Variants in ADPRH observed in about 807,000 individuals in gnomAD.
The protein encoded by ADPRH is ADP-ribosylarginine hydrolase.
ADPRH carries 27 observed loss-of-function variants against 28.8 expected under a neutral mutation model. The ratio of observed to expected loss-of-function variants is 0.94; its 90% CI spans 0.69 to 1.29. The LOEUF is 1.29. Ranked by LOEUF, ADPRH falls within the 50% of genes most tolerant of loss-of-function variation. The probability of loss-of-function intolerance (pLI) is 0.00; values close to 1 mark genes in which losing one functional copy is unlikely to be tolerated. For missense variants in ADPRH, 419 were observed against 444.8 expected, an observed-to-expected ratio of 0.94 and a Z score of 0.52; for synonymous variants, 161 against 166.9, an observed-to-expected ratio of 0.96 and a Z score of 0.27.
Position 119,587,764 on chromosome 3 carries a change from T to C in ADPRH, c.960T>C (p.Phe320=). 1 of 1,614,206 alleles carries C rather than the reference T, an allele frequency of 6.2e-7. No individual in the cohort carries two copies. The highest frequency in any genetic ancestry group is 8.5e-7 in the Non-Finnish European group (1 of 1,180,030). The change falls in exon 5 of 5, where the codon TTT becomes TTC. Residue 320 remains phenylalanine, a synonymous_variant. Transcript: ENST00000357003. ...GCTGGTGGGGAGTTATGTATGGTTT[T>C]AAAGGAGTGAGTCCCTCCAACTATG... ...AGCWWGVMYG[F]KGVSPSNYEK... is the part of the protein sequence containing the mutation.
chr3:119,583,360 A>G (rs10212406), intron 3 of ADPRH, among the ~76,000 whole-genome samples: 421 of 152,348 alleles, frequency 2.8e-3, no homozygotes, highest in Non-Finnish European at 5.2e-3. Context: ...CAAAATAACC[A>G]ATAGAGTAAA....
rs758299057 is a variant in ADPRH at position 119,586,454 on chromosome 3, C to T, written c.468C>T (p.Ile156=). ...SQLDTLIQVS[I]ESGRMTHHHP... ...TGGACACACTGATCCAAGTGAGCAT[C>T]GAGAGTGGTCGGATGACCCACCACC... Residue 156 remains isoleucine, a synonymous_variant, in exon 4 of 5, where the codon ATC becomes ATT. Coordinates refer to ENST00000357003, the MANE Select transcript of ADPRH (RefSeq NM_001125.4). The T allele has an allele frequency of 8.1e-6, 13 of 1,614,100 alleles. No homozygotes were observed. The highest frequency in any genetic ancestry group is 3.3e-5 in the Admixed American group (2 of 60,006).
In ADPRH at chr3:119,586,552, T is replaced by G. The variant is rs2082462550; in HGVS notation, c.566T>G (p.Leu189Trp). 6.2e-7 allele frequency: 1 copy of G among 1,614,144 alleles called. No individual in the cohort carries two copies. Among genetic ancestry groups the G allele is most frequent in the Non-Finnish European group, 8.5e-7 (1 of 1,180,004 alleles). ...TATGCTGTGAATAGCAGACCACCCT[T>G]GCAGTGGGGAAAAGGACTGATGGAG... ...TAYAVNSRPP[L>W]QWGKGLMELL... The change falls in exon 4 of 5, where the codon TTG (leucine) becomes TGG (tryptophan). Residue 189 changes from leucine (L) to tryptophan (W), a missense_variant. Coordinates refer to ENST00000357003, the MANE Select transcript of ADPRH (RefSeq NM_001125.4).
Position 119,587,525 on chromosome 3 carries a change from T to C in ADPRH, c.721T>C (p.Ser241Pro), listed in dbSNP as rs2082473449. ...LKLRGILDGESAPTFPESFGV... is the reference protein window; with the variant it reads ...LKLRGILDGEPAPTFPESFGV... The stretch of plus-strand genomic sequence containing the variant: ...ACTTAGAGGGATTTTGGATGGAGAA[T>C]CAGCCCCTACCTTCCCTGAGTCTTT... The change falls in exon 5 of 5, where the codon TCA becomes CCA. Residue 241 changes from serine (S) to proline (P), a missense_variant. Ser to Pro is a moderately conservative substitution (Grantham distance 74). Transcript: ENST00000357003. The C allele has an allele frequency of 1.3e-6, 2 of 1,599,298 alleles. No individual in the cohort carries two copies. The highest frequency in any genetic ancestry group is 1.7e-6 in the Non-Finnish European group (2 of 1,171,914).
rs540696138 is a variant in ADPRH at position 119,579,802 on chromosome 3, G to C, written c.-172G>C. Reference sequence around the variant, plus strand: ...GCCAAGGCCTCTTCCCCGGCCCCGGGAGCCCGCGCCACGCCCGTCGCTCGC... The same window carrying C: ...GCCAAGGCCTCTTCCCCGGCCCCGGCAGCCCGCGCCACGCCCGTCGCTCGC... On this transcript the variant is annotated 5_prime_UTR_variant, in exon 1 of 5. Transcript: ENST00000357003. 18 of 153,326 alleles carry C rather than the reference G, an allele frequency of 1.2e-4. No individual in the cohort carries two copies. Among genetic ancestry groups the C allele is most frequent in the African/African-American group, 4.1e-4 (17 of 41,616 alleles). 9.5% of individuals were successfully genotyped at this position (153,326 alleles called of 1,614,324 possible). A position where few individuals can be genotyped will look rare whatever the true frequency, so the allele number is the denominator to read the frequency against.
Position 119,582,138 on chromosome 3 carries a change from C to A in ADPRH, c.-32C>A. 6.5e-7 allele frequency: 1 copy of A among 1,543,662 alleles called. No homozygotes were observed. On this transcript the variant is annotated 5_prime_UTR_variant, in exon 3 of 5. Transcript: ENST00000357003. ...TGTCTTAATTTCCCCACAAAGACACCCTCTCCAGAGCCCAGCAATTGTGAG... is the reference window on the plus strand; with the variant it reads ...TGTCTTAATTTCCCCACAAAGACACACTCTCCAGAGCCCAGCAATTGTGAG...
Position 119,587,861 on chromosome 3 carries a change from A to G in ADPRH, c.1057A>G (p.Thr353Ala). The G allele has an allele frequency of 3.1e-6, 5 of 1,599,790 alleles. No individual in the cohort carries two copies. The highest frequency in any genetic ancestry group is 3.4e-6 in the Non-Finnish European group (4 of 1,172,222). The change falls in exon 5 of 5, where the codon ACT becomes GCT. Residue 353 changes from threonine to alanine, a missense_variant. Coordinates refer to ENST00000357003, the MANE Select transcript of ADPRH (RefSeq NM_001125.4). ...ALYSLGSKEDTVISL is the reference protein window; with the variant it reads ...ALYSLGSKEDAVISL ...ATATTCTCTCGGGTCAAAAGAAGAC[A>G]CTGTAATTTCCCTTTAGGGAGACGT... is the stretch of plus-strand genomic sequence containing the variant.
chr3:119,584,369 C>A (rs970448019), intron 3 of ADPRH, among the ~76,000 whole-genome samples: 1 of 151,902 alleles, frequency 6.6e-6, no homozygotes, highest in Admixed American at 6.5e-5. Flanking sequence ...TTGAGACTAG[C>A]CTGACCAACA....
intron 4 of ADPRH, among the ~76,000 whole-genome samples, chr3:119,586,977 C>G (rs76945247): frequency 2.8e-4 from 43 of 152,334 alleles, no homozygotes; most frequent in Non-Finnish European, 5.6e-4. Context: ...TCTTGGTATA[C>G]AAATAATATT....
At chr3:119,580,530 C>T (rs549469754) in intron 1 of ADPRH, 21 bp from the exon 2 acceptor site, 1 of 152,342 alleles carries the variant, frequency 6.6e-6, no homozygotes, top group South Asian at 2.1e-4. Flanking sequence ...CATCCATCTT[C>T]GTCGTTTACT....
At position 119,588,088 on chromosome 3, in the gene ADPRH, GC is replaced by G. The variant is rs1476324931; in HGVS notation, c.*211del. ...TTTTCTTACACTGAAGAGTCCTTTA[GC>G]TCAATTGATAGGGTCAGCGTCTCGC... On this transcript the variant is annotated 3_prime_UTR_variant, in exon 5 of 5. Coordinates refer to ENST00000357003, the MANE Select transcript of ADPRH (RefSeq NM_001125.4). The G allele has an allele frequency of 6.8e-6, 3 of 441,684 alleles. No homozygotes were observed. The highest frequency in any genetic ancestry group is 1.2e-5 in the Non-Finnish European group (3 of 258,406). 27.4% of individuals were successfully genotyped at this position (441,684 alleles called of 1,614,324 possible). A position where few individuals can be genotyped will look rare whatever the true frequency, so the allele number is the denominator to read the frequency against.
In ADPRH at chr3:119,588,013, C is replaced by T; in HGVS notation, c.*135C>T. ...TTTGAGATAACAAGTCCCTTGGGCA[C>T]CTTAAGCTCAGTTTTTTCAGGCTCA... On this transcript the variant is annotated 3_prime_UTR_variant, in exon 5 of 5. Transcript: ENST00000357003. 1 of 946,916 alleles carries T rather than the reference C, an allele frequency of 1.1e-6. No homozygotes were observed. Among genetic ancestry groups the T allele is most frequent in the African/African-American group, 1.7e-5 (1 of 60,194 alleles). 58.7% of individuals were successfully genotyped at this position (946,916 alleles called of 1,614,324 possible).
intron 3 of ADPRH, among the ~76,000 whole-genome samples, chr3:119,584,870 G>T (rs966277068): frequency 1.3e-5 from 2 of 152,124 alleles, no homozygotes; most frequent in East Asian, 3.8e-4. Flanking sequence ...CTGCCTCCTC[G>T]CTGTGTCCTC....
chr3:119,588,129 A>C lies in ADPRH; in HGVS notation c.*251A>C. 3 of 346,314 alleles carry C rather than the reference A, an allele frequency of 8.7e-6. No individual in the cohort carries two copies. Among genetic ancestry groups the C allele is most frequent in the East Asian group, 4.4e-5 (1 of 22,918 alleles). The allele number at this position is 346,314 out of a possible 1,614,324, so 21.5% of individuals were successfully genotyped here. On this transcript the variant is annotated 3_prime_UTR_variant, in exon 5 of 5. Coordinates refer to ENST00000357003, the MANE Select transcript of ADPRH (RefSeq NM_001125.4). ...CAGCGTCTCGCAAGCAAAAAATCTC[A>C]TGACCTCATATTTGAGTCTTCATTT...
At chr3:119,585,751 G>A (rs367910596) in intron 3 of ADPRH, among the ~76,000 whole-genome samples, 6 of 152,196 alleles carry the variant, frequency 3.9e-5, no homozygotes, top group East Asian at 3.9e-4. Flanking sequence ...GAGTTTCACC[G>A]TGTTAGCCAG....
In ADPRH at chr3:119,586,541, C is replaced by T. The variant is rs1157298554; in HGVS notation, c.555C>T (p.Ser185=). ...SALFTAYAVN[S]RPPLQWGKGL... ...TTTTTACAGCCTATGCTGTGAATAG[C>T]AGACCACCCTTGCAGTGGGGAAAAG... Residue 185 remains serine (S), a synonymous_variant, in exon 4 of 5, where the codon AGC becomes AGT. Transcript: ENST00000357003. The T allele has an allele frequency of 6.2e-7, 1 of 1,614,196 alleles. No individual in the cohort carries two copies. Among genetic ancestry groups the T allele is most frequent in the Non-Finnish European group, 8.5e-7 (1 of 1,180,022 alleles).
rs1004646212 is a variant in ADPRH, at chr3:119,587,936, T to C, written c.*58T>C. On this transcript the variant is annotated 3_prime_UTR_variant, in exon 5 of 5. Transcript: ENST00000357003. ...CTTTTGTGTATTTCCTTTTCTGCTA[T>C]TTCTTTTCAGTTTTTCCAAAGTCAA... The C allele has an allele frequency of 4.7e-6, 7 of 1,499,686 alleles. No individual in the cohort carries two copies. The highest frequency in any genetic ancestry group is 6.2e-6 in the Non-Finnish European group (7 of 1,127,292). The allele number at this position is 1,499,686 out of a possible 1,614,324, so 92.9% of individuals were successfully genotyped here.
chr3:119,587,175 C>T (rs915527992), intron 4 of ADPRH, among the ~76,000 whole-genome samples: 10 of 152,322 alleles, frequency 6.6e-5, no homozygotes, highest in Admixed American at 3.9e-4. Flanking sequence ...TCATTACTCT[C>T]GACCCTCCCA....
chr3:119,580,547 C>T lies in ADPRH; in HGVS notation c.-122-4C>T, dbSNP rs1182774618. The stretch of plus-strand genomic sequence containing the variant: ...TCCATCTTCGTCGTTTACTCCTTCT[C>T]CAGGGGCTCTCCAGCCTGCATTCCA... On this transcript the variant is annotated splice_region_variant and splice_polypyrimidine_tract_variant and intron_variant, in intron 1 of 4. Transcript: ENST00000357003. The T allele has an allele frequency of 2.6e-5, 4 of 152,220 alleles. No homozygotes were observed. The highest frequency in any genetic ancestry group is 5.9e-5 in the Non-Finnish European group (4 of 68,056). 9.4% of individuals were successfully genotyped at this position (152,220 alleles called of 1,614,324 possible). A position where few individuals can be genotyped will look rare whatever the true frequency, so the allele number is the denominator to read the frequency against.
Sources: gnomAD v4.1 joint callset for allele counts (sites outside exome capture counted in the v4.1 genomes callset) on GRCh38, gnomAD v4.1.1 for gene constraint, MANE v1.5 for transcripts, NCBI Gene and HGNC (gene_info 2026-07-23, HGNC 2026-07-21) for gene names.